The following SH3RF1 variants were observed in gnomAD, a reference collection of about 807,000 sequenced individuals.
SH3RF1 encodes the protein E3 ubiquitin-protein ligase SH3RF1.
In SH3RF1, 32 loss-of-function variants were observed where a neutral mutation model predicts 74.0. The observed-to-expected ratio is 0.43, with a 90% CI of 0.33 to 0.58. The LOEUF (loss-of-function observed/expected upper bound fraction) is 0.58. Among genes scored for constraint, SH3RF1 ranks in the 20% least tolerant of loss-of-function variants. The pLI is 0.05. For synonymous variants in SH3RF1, 396 were observed against 439.6 expected, an observed-to-expected ratio of 0.90 and a Z score of 1.24; for missense variants, 954 against 1,130.9, an observed-to-expected ratio of 0.84 and a Z score of 2.24.
At chr4:169,110,607 A>C (rs1369467534) in intron 10 of SH3RF1, among the ~76,000 whole-genome samples, 3 of 152,152 alleles carry the variant, frequency 2.0e-5, no homozygotes, top group Admixed American at 6.5e-5. Context: ...TCTTAAAATA[A>C]GCAAATAAAT....
At chr4:169,185,433 C>T (rs898982175) in intron 2 of SH3RF1, among the ~76,000 whole-genome samples, 7 of 152,106 alleles carry the variant, frequency 4.6e-5, no homozygotes, top group Non-Finnish European at 7.4e-5. Flanking sequence ...CCAGAAAAAA[C>T]AAAACAAACA....
At chr4:169,161,318 T>C (rs1415849166) in intron 2 of SH3RF1, among the ~76,000 whole-genome samples, 1 of 152,234 alleles carries the variant, frequency 6.6e-6, no homozygotes, top group Non-Finnish European at 1.5e-5. Context: ...AAAAAATAAG[T>C]ATGATAGTGG....
chr4:169,134,547 C>T (rs556414316), intron 5 of SH3RF1, among the ~76,000 whole-genome samples: 2 of 152,248 alleles, frequency 1.3e-5, no homozygotes, highest in African/African-American at 4.8e-5. Context: ...GTTGCTAGGT[C>T]CCAAGATAAA....
intron 11 of SH3RF1, among the ~76,000 whole-genome samples, chr4:169,100,614 G>T (rs1733004363): frequency 6.6e-6 from 1 of 152,000 alleles, no homozygotes; most frequent in Admixed American, 6.5e-5. Context: ...GTCTCTTCCT[G>T]TCCCCAACCC....
intron 9 of SH3RF1, 137 bp from the exon 10 acceptor site, chr4:169,116,767 C>T (rs895888316): frequency 1.2e-5 from 14 of 1,213,436 alleles, no homozygotes; most frequent in Admixed American, 3.1e-5. Context: ...ATGGGATGGA[C>T]GGTGGCCTAA....
intron 2 of SH3RF1, among the ~76,000 whole-genome samples, chr4:169,187,950 A>G (rs1734636637): frequency 2.6e-5 from 4 of 152,204 alleles, no homozygotes; most frequent in Non-Finnish European, 5.9e-5. Context: ...GATGAAGGCC[A>G]TGTGAAAACA....
chr4:169,098,187 G>A (rs183553325), intron 11 of SH3RF1, among the ~76,000 whole-genome samples: 2 of 152,294 alleles, frequency 1.3e-5, no homozygotes, highest in Admixed American at 1.3e-4. Context: ...CTGGTTACAT[G>A]GCAACAGATA....
rs138961315 is a variant in SH3RF1, at chr4:169,187,263, A to T, written c.394-30584T>A. On this transcript the variant is annotated intron_variant, in intron 2 of 11. Transcript: ENST00000284637. Reference sequence around the variant, plus strand: ...ACCCAGGCTAGAGCGCAGTGGTGTAATCTTGGCTCATTGCAGCCTCCCAGG... The same window carrying T: ...ACCCAGGCTAGAGCGCAGTGGTGTATTCTTGGCTCATTGCAGCCTCCCAGG... 3.8e-3 allele frequency among the ~76,000 whole-genome samples: 585 copies of T among 152,262 alleles called. 3 individuals are homozygous for T. Among genetic ancestry groups the T allele is most frequent in the African/African-American group, 0.013 (557 of 41,552 alleles).
chr4:169,102,855 A>T (rs143073245), intron 11 of SH3RF1, among the ~76,000 whole-genome samples: 1 of 149,888 alleles, frequency 6.7e-6, no homozygotes, highest in Non-Finnish European at 1.5e-5. Context: ...AGATTGCTTA[A>T]GTCTTTATAC....
rs749046864 is a variant in SH3RF1 at position 169,117,642 on chromosome 4, C to T, written c.1658G>A (p.Ser553Asn). 16 of 1,614,094 alleles carry T rather than the reference C, an allele frequency of 9.9e-6. No homozygotes were observed. Among genetic ancestry groups the T allele is most frequent in the Middle Eastern group, 3.3e-4 (2 of 6,084 alleles). The part of the protein sequence containing the change: ...LQGNGVAGSP[S>N]VVPAAVVSAA... ...TGATACCACAGCTGCGGGGACAACA[C>T]TGGGACTCCCAGCCACGCCATTTCC... Residue 553 changes from serine (S) to asparagine (N), a missense_variant, in exon 9 of 12, where the codon AGT (serine) becomes AAT (asparagine). Coordinates refer to ENST00000284637, the MANE Select transcript of SH3RF1 (RefSeq NM_020870.4).
At position 169,148,578 on chromosome 4, in the gene SH3RF1, A is replaced by G. The variant is rs114510940; in HGVS notation, c.765+6902T>C. Among the ~76,000 whole-genome samples, 832 of 152,346 alleles carry G rather than the reference A, an allele frequency of 5.5e-3. 11 individuals are homozygous for G. Among genetic ancestry groups the G allele is most frequent in the African/African-American group, 0.019 (801 of 41,574 alleles). On this transcript the variant is annotated intron_variant, in intron 4 of 11. Transcript: ENST00000284637. Reference sequence around the variant, plus strand: ...TATTGTAGAAATAAAATCATTAAAAATATCCTTTACATAAGATATGGCTCT... The same window carrying G: ...TATTGTAGAAATAAAATCATTAAAAGTATCCTTTACATAAGATATGGCTCT...
At chr4:169,255,285 T>C (rs1731168052) in intron 2 of SH3RF1, among the ~76,000 whole-genome samples, 3 of 152,060 alleles carry the variant, frequency 2.0e-5, no homozygotes, top group African/African-American at 7.3e-5. Context: ...AATATATAAA[T>C]TTATTGAAAT....
At chr4:169,116,212 A>G (rs1733328546) in intron 10 of SH3RF1, 57 bp downstream of exon 10, 1 of 1,538,002 alleles carries the variant, frequency 6.5e-7, no homozygotes. Context: ...ACACAACATA[A>G]GAAGAAAAAC....
chr4:169,141,944 C>T (rs1428297137), intron 4 of SH3RF1, among the ~76,000 whole-genome samples: 1 of 151,746 alleles, frequency 6.6e-6, no homozygotes, highest in Admixed American at 6.6e-5. Flanking sequence ...TCCTGAATAG[C>T]TGGGACTACA....
chr4:169,175,259 C>T (rs1249107491), intron 2 of SH3RF1, among the ~76,000 whole-genome samples: 1 of 152,190 alleles, frequency 6.6e-6, no homozygotes, highest in Non-Finnish European at 1.5e-5. Flanking sequence ...ACTATTAACA[C>T]CCTAGCACCT....
chr4:169,222,580 T>C (rs948592715), intron 2 of SH3RF1, among the ~76,000 whole-genome samples: 6 of 151,212 alleles, frequency 4.0e-5, no homozygotes, highest in South Asian at 2.1e-4. Flanking sequence ...TTTAAGATAA[T>C]AGAATTTCAT....
intron 10 of SH3RF1, among the ~76,000 whole-genome samples, chr4:169,109,905 A>AGCCTGAGGTGGGAGGGAGG (rs1380885561): frequency 1.3e-5 from 2 of 151,300 alleles, no homozygotes; most frequent in African/African-American, 4.9e-5. Context: ...TCTACTCCGG[A>AGCCTGAGGTGGGAGGGAGG]GCCTGAGGTG....
chr4:169,100,455 C>A (rs1386291738), intron 11 of SH3RF1, among the ~76,000 whole-genome samples: 2 of 152,202 alleles, frequency 1.3e-5, no homozygotes, highest in African/African-American at 4.8e-5. Context: ...AATTTTCCTG[C>A]CTCAGCCTCC....
Position 169,199,894 on chromosome 4 carries a change from T to C in SH3RF1, c.394-43215A>G, listed in dbSNP as rs72706500. Among the ~76,000 whole-genome samples the C allele has an allele frequency of 6.2e-3, 948 of 152,252 alleles. 8 individuals are homozygous for C. The highest frequency in any genetic ancestry group is 9.6e-3 in the Non-Finnish European group (651 of 67,998). On this transcript the variant is annotated intron_variant, in intron 2 of 11. Coordinates refer to ENST00000284637, the MANE Select transcript of SH3RF1 (RefSeq NM_020870.4). ...GTTAAAAATTAGATATTATAATGTA[T>C]TTTAAAACAATAACAAAATGAAGCA...
Sources: gnomAD v4.1 joint callset for allele counts (sites outside exome capture counted in the v4.1 genomes callset) on GRCh38, gnomAD v4.1.1 for gene constraint, MANE v1.5 for transcripts, NCBI Gene and HGNC (gene_info 2026-07-23, HGNC 2026-07-21) for gene names.